Variants in GAS7 observed in about 807,000 individuals in gnomAD.
GAS7 encodes the protein growth arrest specific 7.
A neutral mutation model predicts 71.1 loss-of-function variants in GAS7; 28 were observed. That is an observed-to-expected ratio of 0.39 (90% CI 0.29 to 0.54). GAS7 has a LOEUF of 0.54. Among genes scored for constraint, GAS7 ranks in the 20% least tolerant of loss-of-function variants. The probability of loss-of-function intolerance (pLI) is 0.62; values close to 1 mark genes in which losing one functional copy is unlikely to be tolerated. For synonymous variants in GAS7, 258 were observed against 245.8 expected, an observed-to-expected ratio of 1.05 and a Z score of -0.46; for missense variants, 436 against 627.8, an observed-to-expected ratio of 0.69 and a Z score of 3.27.
At chr17:10,177,686 T>C (rs1003797188) in intron 1 of GAS7, among the ~76,000 whole-genome samples, 20 of 152,166 alleles carry the variant, frequency 1.3e-4, no homozygotes, top group African/African-American at 4.6e-4. Context: ...TTATCAATCA[T>C]GTCAGCTGCC....
intron 1 of GAS7, among the ~76,000 whole-genome samples, chr17:10,117,210 A>G (rs1180395143): frequency 6.6e-6 from 1 of 151,876 alleles, no homozygotes; most frequent in East Asian, 1.9e-4. Context: ...TCCTCTCGTC[A>G]CTCAGCCTCT....
intron 1 of GAS7, among the ~76,000 whole-genome samples, chr17:10,120,165 T>G (rs1474508244): frequency 1.5e-5 from 2 of 133,060 alleles, no homozygotes; most frequent in East Asian, 2.6e-4. Context: ...CCACTCCATA[T>G]CCAGCTGGAA....
intron 1 of GAS7, among the ~76,000 whole-genome samples, chr17:10,116,773 C>T (rs2073865178): frequency 6.6e-6 from 1 of 152,096 alleles, no homozygotes; most frequent in Non-Finnish European, 1.5e-5. Context: ...CATCAGTTAA[C>T]AAGACAAAGA....
At position 9,926,658 on chromosome 17, in the gene GAS7, A is replaced by G; in HGVS notation, c.997T>C (p.Tyr333His). 6.2e-7 allele frequency: 1 copy of G among 1,613,544 alleles called. No individual in the cohort carries two copies. The highest frequency in any genetic ancestry group is 1.1e-5 in the South Asian group (1 of 91,058). The change falls in exon 10 of 14, where the codon TAT becomes CAT. Residue 333 changes from tyrosine (Y) to histidine (H), a missense_variant. Tyr to His is a moderately conservative substitution (Grantham distance 83). Coordinates refer to ENST00000432992, the MANE Select transcript of GAS7 (RefSeq NM_201433.2). The surrounding 1 kb of genome is among the most constrained non-coding windows in gnomAD (Gnocchi z 5.0). Reference sequence around the variant, plus strand: ...CCTCTCACCTTCTCCACCGAGGCATAGCGGCTGGCGAGCTGCTTGCGAAGG... The same window carrying G: ...CCTCTCACCTTCTCCACCGAGGCATGGCGGCTGGCGAGCTGCTTGCGAAGG... ...ADLRKQLASRYASVEKARKAL... is the reference protein window; with the variant it reads ...ADLRKQLASRHASVEKARKAL...
chr17:10,120,931 T>C (rs1167037263), intron 1 of GAS7, among the ~76,000 whole-genome samples: 3 of 152,128 alleles, frequency 2.0e-5, no homozygotes, highest in Non-Finnish European at 2.9e-5. Context: ...AACTGCCACA[T>C]GAAAGCAAAG....
intron 3 of GAS7, among the ~76,000 whole-genome samples, chr17:9,971,404 T>C (rs1381132205): frequency 1.3e-5 from 2 of 151,804 alleles, no homozygotes; most frequent in Non-Finnish European, 2.9e-5. Flanking sequence ...ACAAAATATA[T>C]ATATTTTTAA....
intron 7 of GAS7, 97 bp from the exon 8 acceptor site, chr17:9,940,297 A>C: frequency 1.2e-6 from 1 of 850,642 alleles, no homozygotes; most frequent in Admixed American, 1.7e-5. Flanking sequence ...AAAGGAACCC[A>C]CTAGACCATA....
At position 10,070,883 on chromosome 17, in the gene GAS7, A is replaced by G. The variant is rs150670282; in HGVS notation, c.184-50986T>C. Among the ~76,000 whole-genome samples the G allele has an allele frequency of 6.6e-4, 101 of 152,068 alleles. 1 individual carries two copies. In the East Asian group the frequency reaches 0.018, roughly 26 times the overall value. The stretch of plus-strand genomic sequence containing the variant: ...GAAGAGCATACAGAGAGTAGAAGTC[A>G]GAAATGTGCTATTAGGTTGGTGCAA... On this transcript the variant is annotated intron_variant, in intron 1 of 13. Transcript: ENST00000432992.
At position 9,919,494 on chromosome 17, in the gene GAS7, A is replaced by AAC. The variant is rs2067716008; in HGVS notation, c.1218+130_1218+131dup. ...TGGCTCACATTGAGGTTTCGACCCC[A>AAC]ACACTGAAGTAGATTTGATGACCAT... On this transcript the variant is annotated intron_variant, in intron 12 of 13. Transcript: ENST00000432992. The surrounding 1 kb of genome is among the most constrained non-coding windows in gnomAD (Gnocchi z 5.0). 1 of 755,554 alleles carries AAC rather than the reference A, an allele frequency of 1.3e-6. No homozygotes were observed. The highest frequency in any genetic ancestry group is 1.9e-5 in the Admixed American group (1 of 52,586). The allele number at this position is 755,554 out of a possible 1,614,324, so 46.8% of individuals were successfully genotyped here. A position where few individuals can be genotyped will look rare whatever the true frequency, so the allele number is the denominator to read the frequency against.
In GAS7 at chr17:10,120,719, A is replaced by T. The variant is rs185339162; in HGVS notation, c.183+77489T>A. 3.9e-5 allele frequency among the ~76,000 whole-genome samples: 6 copies of T among 152,230 alleles called. No individual in the cohort carries two copies. In the East Asian group the frequency reaches 1.2e-3, roughly 29 times the overall value. On this transcript the variant is annotated intron_variant, in intron 1 of 13. Transcript: ENST00000432992. ...AAGAGTGAGACTTTGTCTCAAAAACAAAACAACAACAACAACAAAAAAGCA... is the reference window on the plus strand; with the variant it reads ...AAGAGTGAGACTTTGTCTCAAAAACTAAACAACAACAACAACAAAAAAGCA...
chr17:9,968,147 G>C (rs2069798885), intron 4 of GAS7, among the ~76,000 whole-genome samples: 1 of 152,162 alleles, frequency 6.6e-6, no homozygotes, highest in Admixed American at 6.5e-5. Flanking sequence ...GGAGACAAAA[G>C]TAAGTTTCAC....
intron 1 of GAS7, among the ~76,000 whole-genome samples, chr17:10,035,167 C>A (rs545013314): frequency 4.9e-4 from 74 of 150,896 alleles, no homozygotes; most frequent in African/African-American, 1.8e-3. Context: ...CTCCCTCCAC[C>A]CCCATGAAGC....
At chr17:10,166,502 T>C (rs1347778814) in intron 1 of GAS7, among the ~76,000 whole-genome samples, 1 of 152,246 alleles carries the variant, frequency 6.6e-6, no homozygotes, top group Non-Finnish European at 1.5e-5. Flanking sequence ...TATGTATTGA[T>C]GCTTTCCTTT....
chr17:10,156,725 G>A (rs1362648433), intron 1 of GAS7, among the ~76,000 whole-genome samples: 3 of 152,188 alleles, frequency 2.0e-5, no homozygotes, highest in African/African-American at 7.2e-5. Flanking sequence ...GCAGGCTGCA[G>A]GCTGCAGGCT....
In GAS7 at chr17:9,926,399, C is replaced by T. The variant is rs1306831671; in HGVS notation, c.1014+242G>A. Among the ~76,000 whole-genome samples the T allele has an allele frequency of 1.3e-5, 2 of 152,170 alleles. No individual in the cohort carries two copies. The highest frequency in any genetic ancestry group is 1.9e-4 in the East Asian group (1 of 5,184). On this transcript the variant is annotated intron_variant, in intron 10 of 13. Coordinates refer to ENST00000432992, the MANE Select transcript of GAS7 (RefSeq NM_201433.2). This position sits in a 1 kb window ranked among gnomAD's most constrained non-coding sequence, Gnocchi z 5.0. ...ACTCGACTGCCCACTGCAGCTGCAG[C>T]CTCTCCTCGCACCCCTGGCCCTCTG...
chr17:9,930,274 C>A (rs2068162558), intron 9 of GAS7, among the ~76,000 whole-genome samples: 2 of 152,212 alleles, frequency 1.3e-5, no homozygotes, highest in African/African-American at 2.4e-5. Context: ...TGAATGCTCA[C>A]ATAAAATGCA....
intron 1 of GAS7, among the ~76,000 whole-genome samples, chr17:10,100,651 C>G (rs567965013): frequency 6.6e-6 from 1 of 152,102 alleles, no homozygotes; most frequent in Non-Finnish European, 1.5e-5. Flanking sequence ...ACCTCCCAAC[C>G]CCCCCATCCA....
At chr17:9,967,545 C>A (rs1348993723) in intron 4 of GAS7, among the ~76,000 whole-genome samples, 1 of 140,256 alleles carries the variant, frequency 7.1e-6, no homozygotes, top group Non-Finnish European at 1.5e-5. Context: ...AGTCCTTCTT[C>A]CTAAGTATAG....
rs1433185140 is a variant in GAS7 at position 9,994,019 on chromosome 17, G to T, written c.305-12135C>A. Among the ~76,000 whole-genome samples the T allele has an allele frequency of 5.0e-4, 73 of 146,610 alleles. 1 individual carries two copies. The highest frequency in any genetic ancestry group is 3.0e-5 in the Non-Finnish European group (2 of 65,764). ...AGGAGAACTACAAACCACTGCTCAAGGAAATAAAAGAGGATACAAACAAAT... is the reference window on the plus strand; with the variant it reads ...AGGAGAACTACAAACCACTGCTCAATGAAATAAAAGAGGATACAAACAAAT... On this transcript the variant is annotated intron_variant, in intron 2 of 13. Coordinates refer to ENST00000432992, the MANE Select transcript of GAS7 (RefSeq NM_201433.2).
Sources: allele counts gnomAD v4.1 joint callset (sites outside exome capture counted in the v4.1 genomes callset), GRCh38; gene constraint gnomAD v4.1.1; non-coding constraint Gnocchi (gnomAD v3.1); transcripts MANE v1.5; gene names NCBI Gene and HGNC (gene_info 2026-07-23, HGNC 2026-07-21).